Variants in NDST4 observed in about 807,000 individuals in gnomAD.
NDST4 encodes N-deacetylase and N-sulfotransferase 4.
In NDST4, 63 loss-of-function variants were observed where a neutral mutation model predicts 100.8. The observed-to-expected ratio is 0.62, with a 90% CI of 0.51 to 0.77. The LOEUF (loss-of-function observed/expected upper bound fraction) is 0.77. Among genes scored for constraint, NDST4 ranks in the 30% least tolerant of loss-of-function variants. The pLI is 0.00. For missense variants in NDST4, 943 were observed against 1,018.4 expected, an observed-to-expected ratio of 0.93 and a Z score of 1.01; for synonymous variants, 377 against 361.8, an observed-to-expected ratio of 1.04 and a Z score of -0.48.
intron 1 of NDST4, among the ~76,000 whole-genome samples, chr4:115,098,870 T>G (rs771329393): frequency 1.3e-5 from 2 of 152,120 alleles, no homozygotes; most frequent in Admixed American, 1.3e-4. Flanking sequence ...TTGCTAATTT[T>G]TTTTATATAC....
chr4:114,904,499 C>T (rs1017048559), intron 6 of NDST4, among the ~76,000 whole-genome samples: 2 of 151,690 alleles, frequency 1.3e-5, no homozygotes, highest in African/African-American at 4.8e-5. Flanking sequence ...GCTTATGATA[C>T]CAGATTGCTT....
At position 114,880,623 on chromosome 4, in the gene NDST4, G is replaced by A. The variant is rs1724347440; in HGVS notation, c.1537-9673C>T. ...GTTATTCAAGCAATCAACCAATTGA[G>A]AAACATTTATTAATGCTTAATAAGT... On this transcript the variant is annotated intron_variant, in intron 6 of 13. Coordinates refer to ENST00000264363, the MANE Select transcript of NDST4 (RefSeq NM_022569.3). Among the ~76,000 whole-genome samples the A allele has an allele frequency of 2.0e-5, 3 of 152,086 alleles. No individual in the cohort carries two copies. The South Asian group carries it at 6.2e-4, about 32-fold the overall frequency.
intron 2 of NDST4, among the ~76,000 whole-genome samples, chr4:114,982,528 C>T (rs1297961391): frequency 1.3e-5 from 2 of 152,114 alleles, no homozygotes; most frequent in Admixed American, 6.5e-5. Context: ...GAAGATATGG[C>T]CTGGCCCTTC....
At chr4:115,029,423 A>G (rs28434781) in intron 2 of NDST4, among the ~76,000 whole-genome samples, 6,813 of 152,148 alleles carry the variant, frequency 0.045, 537 homozygotes, top group African/African-American at 0.16. Context: ...GAATAGATTT[A>G]TGATTTGCTG....
intron 6 of NDST4, among the ~76,000 whole-genome samples, chr4:114,904,404 T>C (rs1355915478): frequency 2.0e-5 from 3 of 151,940 alleles, no homozygotes; most frequent in Non-Finnish European, 4.4e-5. Flanking sequence ...TACGTTATTA[T>C]TAGTAATGTA....
intron 1 of NDST4, among the ~76,000 whole-genome samples, chr4:115,095,364 T>G (rs1347437592): frequency 5.3e-5 from 8 of 152,144 alleles, no homozygotes; most frequent in African/African-American, 1.9e-4. Flanking sequence ...CCTTACATGG[T>G]GAAATGATTC....
intron 2 of NDST4, among the ~76,000 whole-genome samples, chr4:115,006,091 A>C (rs1430337755): frequency 6.7e-6 from 1 of 149,932 alleles, no homozygotes; most frequent in African/African-American, 2.5e-5. Context: ...AGAGAAAAGA[A>C]ATAAAGAAAG....
In NDST4 at chr4:115,021,707, C is replaced by T. The variant is rs547623485; in HGVS notation, c.979-44433G>A. ...TATATATACACGTTCCACATCTATACACATTCCATATATATACGTTCCACA... is the reference window on the plus strand; with the variant it reads ...TATATATACACGTTCCACATCTATATACATTCCATATATATACGTTCCACA... On this transcript the variant is annotated intron_variant, in intron 2 of 13. Coordinates refer to ENST00000264363, the MANE Select transcript of NDST4 (RefSeq NM_022569.3). 5.3e-5 allele frequency among the ~76,000 whole-genome samples: 8 copies of T among 152,032 alleles called. No individual in the cohort carries two copies. The South Asian group carries it at 1.7e-3, about 32-fold the overall frequency.
chr4:115,023,365 A>G (rs1727902454), intron 2 of NDST4, among the ~76,000 whole-genome samples: 1 of 151,940 alleles, frequency 6.6e-6, no homozygotes, highest in African/African-American at 2.4e-5. Flanking sequence ...CATGCCTGTA[A>G]TCCCAGCTAG....
chr4:115,029,030 T>G (rs1281716760), intron 2 of NDST4, among the ~76,000 whole-genome samples: 2 of 152,012 alleles, frequency 1.3e-5, no homozygotes, highest in Non-Finnish European at 2.9e-5. Context: ...GAAAAATAAT[T>G]CTATGTAGAA....
At position 114,937,302 on chromosome 4, in the gene NDST4, G is replaced by A; in HGVS notation, c.1407+16C>T. 3.1e-6 allele frequency: 5 copies of A among 1,613,384 alleles called. No homozygotes were observed. Among genetic ancestry groups the A allele is most frequent in the Non-Finnish European group, 4.2e-6 (5 of 1,179,482 alleles). On this transcript the variant is annotated intron_variant, in intron 5 of 13. Transcript: ENST00000264363. Reference sequence around the variant, plus strand: ...AATATTAACATCCTTCAATATACATGGCTCTCTGTGCTCACCATGATGCTA... The same window carrying A: ...AATATTAACATCCTTCAATATACATAGCTCTCTGTGCTCACCATGATGCTA...
At chr4:114,970,857 A>G (rs2126241044) in intron 3 of NDST4, among the ~76,000 whole-genome samples, 1 of 152,210 alleles carries the variant, frequency 6.6e-6, no homozygotes, top group East Asian at 1.9e-4. Context: ...TATATGTTAT[A>G]CCCTTATATG....
intron 2 of NDST4, among the ~76,000 whole-genome samples, chr4:115,000,885 C>T (rs961457512): frequency 1.3e-5 from 2 of 152,070 alleles, no homozygotes; most frequent in African/African-American, 2.4e-5. Flanking sequence ...AAGACAATGA[C>T]ATATTTGATG....
chr4:114,854,132 C>T (rs1358445843), intron 7 of NDST4, among the ~76,000 whole-genome samples: 1 of 152,182 alleles, frequency 6.6e-6, no homozygotes, highest in Non-Finnish European at 1.5e-5. Flanking sequence ...TGCTTCCCAG[C>T]CCCTGGTACC....
chr4:115,027,786 T>C (rs964334784), intron 2 of NDST4, among the ~76,000 whole-genome samples: 1 of 152,042 alleles, frequency 6.6e-6, no homozygotes, highest in African/African-American at 2.4e-5. Flanking sequence ...ACGAGCTTTG[T>C]CTTACGCCTG....
chr4:114,996,339 C>T (rs181440692), intron 2 of NDST4, among the ~76,000 whole-genome samples: 2 of 152,088 alleles, frequency 1.3e-5, no homozygotes, highest in East Asian at 3.9e-4. Context: ...TTTCCTGAGT[C>T]CCCCCAAATC....
intron 9 of NDST4, among the ~76,000 whole-genome samples, chr4:114,847,094 C>CATTGCAAACA (rs1553948317): frequency 4.7e-5 from 7 of 148,998 alleles, no homozygotes; most frequent in South Asian, 2.2e-4. Context: ...ATGTGTCTTT[C>CATTGCAAACA]GGCCGGGCGC....
At chr4:114,964,020 T>A (rs933615376) in intron 4 of NDST4, among the ~76,000 whole-genome samples, 2 of 152,154 alleles carry the variant, frequency 1.3e-5, no homozygotes, top group Non-Finnish European at 1.5e-5. Context: ...GAGTATATGG[T>A]ATAAGTGAAG....
intron 6 of NDST4, among the ~76,000 whole-genome samples, chr4:114,915,899 G>GA (rs1725158430): frequency 6.6e-6 from 1 of 151,828 alleles, no homozygotes; most frequent in African/African-American, 2.4e-5. Flanking sequence ...AAGAAAGAAG[G>GA]AAAAAATGCA....
Sources: allele counts gnomAD v4.1 joint callset (sites outside exome capture counted in the v4.1 genomes callset), GRCh38; gene constraint gnomAD v4.1.1; transcripts MANE v1.5; gene names NCBI Gene and HGNC (gene_info 2026-07-23, HGNC 2026-07-21).